CLVS1: variants seen among roughly 807,000 people sequenced by gnomAD.
CLVS1 encodes clavesin 1.
A neutral mutation model predicts 33.1 loss-of-function variants in CLVS1; 10 were observed. That is an observed-to-expected ratio of 0.30 (90% CI 0.19 to 0.51). CLVS1 has a LOEUF of 0.51. Among genes scored for constraint, CLVS1 ranks in the 20% least tolerant of loss-of-function variants. CLVS1 has a pLI of 0.97. For synonymous variants in CLVS1, 163 were observed against 166.1 expected (o/e 0.98, Z 0.14); for missense variants, 343 against 433.4 (o/e 0.79, Z 1.85).
rs73682213 is a variant in CLVS1, at chr8:61,294,260, A to G, written c.-151-5417A>G. On this transcript the variant is annotated intron_variant, in intron 1 of 5. Transcript: ENST00000325897. The stretch of plus-strand genomic sequence containing the variant: ...CGTGGGTAAAGTAGGTTTGAGTGCA[A>G]ATCTTTGTTCTTTCAGCCATATCTA... Among the ~76,000 whole-genome samples, 650 of 152,210 alleles carry G rather than the reference A, an allele frequency of 4.3e-3. 6 individuals carry two copies. The highest frequency in any genetic ancestry group is 0.015 in the African/African-American group (609 of 41,536).
At chr8:61,061,411 G>A (rs73687890) in intron 1 of CLVS1, among the ~76,000 whole-genome samples, 1 of 152,084 alleles carries the variant, frequency 6.6e-6, no homozygotes, top group Non-Finnish European at 1.5e-5. Flanking sequence ...CCAGTCCTTT[G>A]CTACCAGGCC....
the CLVS1 span, among the ~76,000 whole-genome samples, chr8:61,012,865 G>T: frequency 6.6e-6 from 1 of 152,180 alleles, no homozygotes; most frequent in African/African-American, 2.4e-5. Context: ...TGTCCTGCTT[G>T]CCCTAGAAGA....
intron 2 of CLVS1, among the ~76,000 whole-genome samples, chr8:61,315,674 G>T (rs551308328): frequency 1.2e-3 from 186 of 152,298 alleles, no homozygotes; most frequent in South Asian, 5.6e-3. Context: ...CCTCAACTCT[G>T]CAGTGGTCTA....
chr8:61,296,721 TA>T (rs1458501299), intron 1 of CLVS1, among the ~76,000 whole-genome samples: 1 of 152,210 alleles, frequency 6.6e-6, no homozygotes, highest in Non-Finnish European at 1.5e-5. Context: ...ACATTTTGAC[TA>T]CTTTCTTTAT....
chr8:61,239,294 C>T (rs79722793), intron 2 of CLVS1, among the ~76,000 whole-genome samples: 1 of 152,168 alleles, frequency 6.6e-6, no homozygotes, highest in African/African-American at 2.4e-5. Flanking sequence ...CCTGCAGAGA[C>T]ATTGCTTAAC....
At chr8:61,296,968 C>T (rs1265478347) in intron 1 of CLVS1, among the ~76,000 whole-genome samples, 1 of 152,146 alleles carries the variant, frequency 6.6e-6, no homozygotes, top group Non-Finnish European at 1.5e-5. Flanking sequence ...ACTGCTTTGA[C>T]TTCTGAAGGC....
intron 2 of CLVS1, among the ~76,000 whole-genome samples, chr8:61,190,485 C>T (rs977452081): frequency 2.6e-5 from 4 of 152,096 alleles, no homozygotes; most frequent in African/African-American, 9.7e-5. Context: ...AGAGCAAACA[C>T]ATTCAAAAGC....
At chr8:61,435,994 T>C (rs1354749976) in intron 3 of CLVS1, among the ~76,000 whole-genome samples, 1 of 152,254 alleles carries the variant, frequency 6.6e-6, no homozygotes, top group African/African-American at 2.4e-5. Context: ...ATTTTATGTG[T>C]ATTTTAAAGG....
chr8:61,084,817 C>A (rs1183179795), intron 1 of CLVS1, among the ~76,000 whole-genome samples: 2 of 152,144 alleles, frequency 1.3e-5, no homozygotes, highest in African/African-American at 2.4e-5. Flanking sequence ...AAAACCTAGT[C>A]ATTGGGGGTA....
At chr8:61,085,784 G>A (rs1805110243) in intron 1 of CLVS1, among the ~76,000 whole-genome samples, 1 of 151,308 alleles carries the variant, frequency 6.6e-6, no homozygotes, top group Non-Finnish European at 1.5e-5. Context: ...CACTCTTTGG[G>A]AGGCCGAGGC....
intron 5 of CLVS1, among the ~76,000 whole-genome samples, chr8:61,487,607 A>G (rs1417401060): frequency 1.3e-5 from 2 of 152,210 alleles, no homozygotes; most frequent in Non-Finnish European, 2.9e-5. Flanking sequence ...GTGGCAGCCC[A>G]AATTCCATCC....
rs1197876708 is a variant in CLVS1, at chr8:61,395,685, A to G, written c.630+18906A>G. ...CTGTAGTGTTGGGGTGGGGTCTAAGAGTCTGCATTTTTATCAGATTCCCAT... is the reference window on the plus strand; with the variant it reads ...CTGTAGTGTTGGGGTGGGGTCTAAGGGTCTGCATTTTTATCAGATTCCCAT... On this transcript the variant is annotated intron_variant, in intron 3 of 5. Transcript: ENST00000325897. Among the ~76,000 whole-genome samples, 5 of 152,282 alleles carry G rather than the reference A, an allele frequency of 3.3e-5. No homozygotes were observed. The East Asian group carries it at 9.6e-4, about 29-fold the overall frequency.
At chr8:60,977,844 A>G in the CLVS1 span, among the ~76,000 whole-genome samples, 1 of 152,244 alleles carries the variant, frequency 6.6e-6, no homozygotes, top group Non-Finnish European at 1.5e-5. Flanking sequence ...ACTCAAAGAA[A>G]TCTACACAGA....
intron 2 of CLVS1, among the ~76,000 whole-genome samples, chr8:61,149,577 A>G (rs897443049): frequency 4.7e-5 from 7 of 149,256 alleles, no homozygotes; most frequent in African/African-American, 1.5e-4. Context: ...AACAAAAAAC[A>G]AAACAAAAAG....
At chr8:61,049,829 T>A in the CLVS1 span, among the ~76,000 whole-genome samples, 1 of 152,268 alleles carries the variant, frequency 6.6e-6, no homozygotes, top group Admixed American at 6.5e-5. Flanking sequence ...TGAGTCTTTT[T>A]TTTAGGACTT....
upstream of CLVS1, among the ~76,000 whole-genome samples, chr8:61,286,840 G>A (rs1025635658): frequency 1.3e-5 from 2 of 152,172 alleles, no homozygotes; most frequent in Non-Finnish European, 2.9e-5. Flanking sequence ...TTTACCCATA[G>A]TGATCTAACT....
chr8:61,192,704 G>A (rs186572901), intron 2 of CLVS1, among the ~76,000 whole-genome samples: 3 of 152,232 alleles, frequency 2.0e-5, no homozygotes, highest in Admixed American at 6.5e-5. Flanking sequence ...CAAAAAGTGG[G>A]CAAAGGATAT....
chr8:61,485,472 T>C (rs193123479), intron 5 of CLVS1, among the ~76,000 whole-genome samples: 2 of 152,288 alleles, frequency 1.3e-5, no homozygotes, highest in African/African-American at 4.8e-5. Context: ...TGTGGAGAAA[T>C]AGGAATGCTT....
At chr8:61,392,578 C>T (rs889719701) in intron 3 of CLVS1, among the ~76,000 whole-genome samples, 1 of 152,128 alleles carries the variant, frequency 6.6e-6, no homozygotes, top group Non-Finnish European at 1.5e-5. Flanking sequence ...AGAATGATAG[C>T]CTGGCACGGT....
Sources: allele counts gnomAD v4.1 joint callset (sites outside exome capture counted in the v4.1 genomes callset), GRCh38; gene constraint gnomAD v4.1.1; transcripts MANE v1.5; gene names NCBI Gene and HGNC (gene_info 2026-07-23, HGNC 2026-07-21).